Variants in KIRREL3 observed in about 807,000 individuals in gnomAD.
The protein encoded by KIRREL3 is kirre like nephrin family adhesion molecule 3, also known as kin of IRRE-like protein 3.
Under a neutral mutation model 89.7 loss-of-function variants are expected in KIRREL3, and 36 were observed. That is an observed-to-expected ratio of 0.40 (90% CI 0.31 to 0.53). The LOEUF (loss-of-function observed/expected upper bound fraction) is 0.53, where lower values mean the gene tolerates loss of function less well. Among genes scored for constraint, KIRREL3 ranks in the 20% least tolerant of loss-of-function variants. KIRREL3 has a pLI of 0.49. For synonymous variants in KIRREL3, 445 were observed against 441.4 expected, an observed-to-expected ratio of 1.01 and a Z score of -0.10; for missense variants, 864 against 1,056.6, an observed-to-expected ratio of 0.82 and a Z score of 2.53.
At position 126,558,715 on chromosome 11, in the gene KIRREL3, G is replaced by A. The variant is rs1196705331; in HGVS notation, c.133+4120C>T. 1.3e-5 allele frequency among the ~76,000 whole-genome samples: 2 copies of A among 152,210 alleles called. No individual in the cohort carries two copies. Among genetic ancestry groups the A allele is most frequent in the Non-Finnish European group, 2.9e-5 (2 of 68,040 alleles). ...CTACTCTGCCTGGGAATAGGATCAGGTCTGGGGAAGCCATGTGCTTTGAGA... is the reference window on the plus strand; with the variant it reads ...CTACTCTGCCTGGGAATAGGATCAGATCTGGGGAAGCCATGTGCTTTGAGA... On this transcript the variant is annotated intron_variant, in intron 2 of 16. Coordinates refer to ENST00000525144, the MANE Select transcript of KIRREL3 (RefSeq NM_032531.4). This position sits in a 1 kb window ranked among gnomAD's most constrained non-coding sequence, Gnocchi z 4.0.
rs1015107942 is a variant in KIRREL3, at chr11:126,769,156, A to G, written c.56-206244T>C. ...GGCTTCCCCTCTTCCCACAGGTCCC[A>G]TCTCTGCCAGTCACTGCTTTCCCTT... On this transcript the variant is annotated intron_variant, in intron 1 of 16. Transcript: ENST00000525144. This position sits in a 1 kb window ranked among gnomAD's most constrained non-coding sequence, Gnocchi z 4.3. 6.6e-6 allele frequency among the ~76,000 whole-genome samples: 1 copy of G among 152,098 alleles called. No homozygotes were observed. Among genetic ancestry groups the G allele is most frequent in the African/African-American group, 2.4e-5 (1 of 41,388 alleles).
chr11:126,923,178 C>T lies in KIRREL3; in HGVS notation c.55+77277G>A, dbSNP rs201977025. ...TTCTTCTTCTTCTTCTTCTTCTTCT[C>T]TTCTTCTTCTCTTCTTCTTCTTCTT... On this transcript the variant is annotated intron_variant, in intron 1 of 16. Transcript: ENST00000525144. 5.4e-3 allele frequency among the ~76,000 whole-genome samples: 115 copies of T among 21,384 alleles called. 30 individuals carry two copies. Among genetic ancestry groups the T allele is most frequent in the East Asian group, 0.012 (11 of 944 alleles). 14.0% of individuals were successfully genotyped at this position (21,384 alleles called of 152,430 possible).
Position 126,985,185 on chromosome 11 carries a change from T to C in KIRREL3, c.55+15270A>G, listed in dbSNP as rs1228869640. Among the ~76,000 whole-genome samples the C allele has an allele frequency of 2.0e-5, 3 of 152,170 alleles. No individual in the cohort carries two copies. Among genetic ancestry groups the C allele is most frequent in the African/African-American group, 7.2e-5 (3 of 41,446 alleles). On this transcript the variant is annotated intron_variant, in intron 1 of 16. Coordinates refer to ENST00000525144, the MANE Select transcript of KIRREL3 (RefSeq NM_032531.4). The surrounding 1 kb of genome is among the most constrained non-coding windows in gnomAD (Gnocchi z 5.3). ...ATGATAAATAGAGCACGTTCTCTGA[T>C]GAAACACTTTCATGGGTTTGCAAGT... is the stretch of plus-strand genomic sequence containing the variant.
intron 1 of KIRREL3, among the ~76,000 whole-genome samples, chr11:126,631,124 T>TATTCATTCATTCATTC (rs201430801): frequency 1.9e-5 from 2 of 106,658 alleles, no homozygotes; most frequent in African/African-American, 6.8e-5. Context: ...TGTATGTATG[T>TATTCATTCATTCATTC]ATTCATTCAT....
chr11:126,999,149 A>T lies in KIRREL3; in HGVS notation c.55+1306T>A, dbSNP rs1204014549. Among the ~76,000 whole-genome samples the T allele has an allele frequency of 7.1e-6, 1 of 141,254 alleles. No individual in the cohort carries two copies. The highest frequency in any genetic ancestry group is 2.5e-5 in the African/African-American group (1 of 39,506). The allele number at this position is 141,254 out of a possible 152,430, so 92.7% of individuals were successfully genotyped here. On this transcript the variant is annotated intron_variant, in intron 1 of 16. Transcript: ENST00000525144. The surrounding 1 kb of genome is among the most constrained non-coding windows in gnomAD (Gnocchi z 5.7). ...AAGCACACAACCATATGAATACATG[A>T]GTGTGTGTGTGTGTGTGTGTGTACA...
In KIRREL3 at chr11:126,513,484, G is replaced by A. The variant is rs530334553; in HGVS notation, c.433+7831C>T. Among the ~76,000 whole-genome samples the A allele has an allele frequency of 6.6e-6, 1 of 152,184 alleles. No individual in the cohort carries two copies. Among genetic ancestry groups the A allele is most frequent in the Non-Finnish European group, 1.5e-5 (1 of 68,034 alleles). ...CCACACTCAGGCAGGGAAGGGAAAA[G>A]ATGCGCTGAGTTTGCCTCCATCCCT... is the stretch of plus-strand genomic sequence containing the variant. On this transcript the variant is annotated intron_variant, in intron 4 of 16. Coordinates refer to ENST00000525144, the MANE Select transcript of KIRREL3 (RefSeq NM_032531.4). The surrounding 1 kb of genome is among the most constrained non-coding windows in gnomAD (Gnocchi z 5.9).
At chr11:126,502,433 A>G (rs944271526) in intron 4 of KIRREL3, among the ~76,000 whole-genome samples, 1 of 152,222 alleles carries the variant, frequency 6.6e-6, no homozygotes, top group Non-Finnish European at 1.5e-5. Flanking sequence ...CCTTCTGGGC[A>G]GGCACACCTC....
chr11:126,427,523 GA>G lies in KIRREL3; in HGVS notation c.1806+1655del. Among the ~76,000 whole-genome samples the G allele has an allele frequency of 6.6e-6, 1 of 152,364 alleles. No individual in the cohort carries two copies. The highest frequency in any genetic ancestry group is 2.4e-5 in the African/African-American group (1 of 41,588). ...AACAGACAAAATTAGCAGGCAGAGA[GA>G]ACAGCCGGTGCACAGGCCTTTGAAG... On this transcript the variant is annotated intron_variant, in intron 15 of 16. Transcript: ENST00000525144. The surrounding 1 kb of genome is among the most constrained non-coding windows in gnomAD (Gnocchi z 5.3).
rs751648348 is a variant in KIRREL3, at chr11:126,991,713, G to A, written c.55+8742C>T. Among the ~76,000 whole-genome samples the A allele has an allele frequency of 6.6e-6, 1 of 152,160 alleles. No individual in the cohort carries two copies. ...CGAAGGTCAGACCTGGGATTCGGATGCATGATTTTCATAGGAAACTCCCTA... is the reference window on the plus strand; with the variant it reads ...CGAAGGTCAGACCTGGGATTCGGATACATGATTTTCATAGGAAACTCCCTA... On this transcript the variant is annotated intron_variant, in intron 1 of 16. Coordinates refer to ENST00000525144, the MANE Select transcript of KIRREL3 (RefSeq NM_032531.4). The surrounding 1 kb of genome is among the most constrained non-coding windows in gnomAD (Gnocchi z 5.8).
At chr11:126,950,938 G>A (rs540024092) in intron 1 of KIRREL3, among the ~76,000 whole-genome samples, 1 of 152,316 alleles carries the variant, frequency 6.6e-6, no homozygotes, top group African/African-American at 2.4e-5. Flanking sequence ...GCCCCAAGAG[G>A]GCAAAGAACT....
In KIRREL3 at chr11:126,905,786, C is replaced by T. The variant is rs757900624; in HGVS notation, c.55+94669G>A. Among the ~76,000 whole-genome samples the T allele has an allele frequency of 3.9e-5, 6 of 152,164 alleles. No homozygotes were observed. The highest frequency in any genetic ancestry group is 3.9e-4 in the East Asian group (2 of 5,182). ...CCCTATCTGCCGCTGCCAGTTCGGG[C>T]GGATGCCTAACGAGCACACTGGGGA... On this transcript the variant is annotated intron_variant, in intron 1 of 16. Transcript: ENST00000525144. The surrounding 1 kb of genome is among the most constrained non-coding windows in gnomAD (Gnocchi z 5.0).
chr11:126,521,587 G>T lies in KIRREL3; in HGVS notation c.284-123C>A, dbSNP rs2134429870. 3 of 826,042 alleles carry T rather than the reference G, an allele frequency of 3.6e-6. No individual in the cohort carries two copies. Among genetic ancestry groups the T allele is most frequent in the Non-Finnish European group, 5.6e-6 (3 of 531,272 alleles). 51.2% of individuals were successfully genotyped at this position (826,042 alleles called of 1,614,324 possible). On this transcript the variant is annotated intron_variant, in intron 3 of 16. Transcript: ENST00000525144. This position sits in a 1 kb window ranked among gnomAD's most constrained non-coding sequence, Gnocchi z 4.1. ...TACAAGGCTGGCAGAGCGGGTGATT[G>T]CTCAGGGCTCTGATCTCAGTGCAAG...
In KIRREL3 at chr11:126,683,918, C is replaced by T. The variant is rs965098891; in HGVS notation, c.56-121006G>A. 6.6e-6 allele frequency among the ~76,000 whole-genome samples: 1 copy of T among 152,244 alleles called. No homozygotes were observed. The highest frequency in any genetic ancestry group is 1.5e-5 in the Non-Finnish European group (1 of 68,054). ...GTCACTGAGTCACTCCTGCCCAGGT[C>T]CCCCTTCAGGGACTGTCGTGGGCTG... is the stretch of plus-strand genomic sequence containing the variant. On this transcript the variant is annotated intron_variant, in intron 1 of 16. Coordinates refer to ENST00000525144, the MANE Select transcript of KIRREL3 (RefSeq NM_032531.4). This position sits in a 1 kb window ranked among gnomAD's most constrained non-coding sequence, Gnocchi z 5.2.
rs919392910 is a variant in KIRREL3, at chr11:126,981,024, A to G, written c.55+19431T>C. Among the ~76,000 whole-genome samples, 2 of 152,200 alleles carry G rather than the reference A, an allele frequency of 1.3e-5. No individual in the cohort carries two copies. Among genetic ancestry groups the G allele is most frequent in the African/African-American group, 2.4e-5 (1 of 41,438 alleles). On this transcript the variant is annotated intron_variant, in intron 1 of 16. Coordinates refer to ENST00000525144, the MANE Select transcript of KIRREL3 (RefSeq NM_032531.4). The surrounding 1 kb of genome is among the most constrained non-coding windows in gnomAD (Gnocchi z 4.2). ...AGTACTTAGCAATGAGAGATGGTAT[A>G]CTTAGATCTCTGTACCGTGGACTAT...
chr11:126,491,035 G>T lies in KIRREL3; in HGVS notation c.434-17569C>A, dbSNP rs1331318594. 1.3e-5 allele frequency among the ~76,000 whole-genome samples: 2 copies of T among 152,156 alleles called. No individual in the cohort carries two copies. The highest frequency in any genetic ancestry group is 4.8e-5 in the African/African-American group (2 of 41,420). ...TGGGGCAGGGCTCTGTCTGGATTTT[G>T]GGTCCATCCCGTAGTGGAAAGGGGT... On this transcript the variant is annotated intron_variant, in intron 4 of 16. Coordinates refer to ENST00000525144, the MANE Select transcript of KIRREL3 (RefSeq NM_032531.4). This position sits in a 1 kb window ranked among gnomAD's most constrained non-coding sequence, Gnocchi z 5.5.
intron 1 of KIRREL3, among the ~76,000 whole-genome samples, chr11:126,873,841 C>T (rs1020031200): frequency 3.9e-5 from 6 of 152,190 alleles, no homozygotes; most frequent in African/African-American, 4.8e-5. Context: ...CTGCCTACCT[C>T]GTGTACAAGA....
intron 1 of KIRREL3, among the ~76,000 whole-genome samples, chr11:126,737,818 GGGATAACT>G (rs1485183569): frequency 6.6e-6 from 1 of 152,058 alleles, no homozygotes; most frequent in Non-Finnish European, 1.5e-5. Flanking sequence ...TGGTCAAATC[GGGATAACT>G]GGTATCCATC....
At position 126,896,462 on chromosome 11, in the gene KIRREL3, C is replaced by G. The variant is rs539795352; in HGVS notation, c.55+103993G>C. On this transcript the variant is annotated intron_variant, in intron 1 of 16. Coordinates refer to ENST00000525144, the MANE Select transcript of KIRREL3 (RefSeq NM_032531.4). The surrounding 1 kb of genome is among the most constrained non-coding windows in gnomAD (Gnocchi z 4.1). ...CCCATGCCCTTTCCAGAGCTACAGA[C>G]AGGCATGCTGTCATCAGACTTCCAA... 4.3e-4 allele frequency among the ~76,000 whole-genome samples: 66 copies of G among 152,322 alleles called. No homozygotes were observed. The South Asian group carries it at 0.013, about 29-fold the overall frequency.
chr11:126,786,215 G>A (rs1167134512), intron 1 of KIRREL3, among the ~76,000 whole-genome samples: 1 of 151,834 alleles, frequency 6.6e-6, no homozygotes, highest in Non-Finnish European at 1.5e-5. Flanking sequence ...TATGCTAAAT[G>A]AAAAAAGGGG....
Sources: allele counts gnomAD v4.1 joint callset (sites outside exome capture counted in the v4.1 genomes callset), GRCh38; gene constraint gnomAD v4.1.1; non-coding constraint Gnocchi (gnomAD v3.1); transcripts MANE v1.5; gene names NCBI Gene and HGNC (gene_info 2026-07-23, HGNC 2026-07-21).